Variants in ASCC3 observed in about 807,000 individuals in gnomAD.
ASCC3 encodes the protein ASC-1 complex subunit P200.
Under a neutral mutation model 256.3 loss-of-function variants are expected in ASCC3, and 158 were observed. That is an observed-to-expected ratio of 0.62 (90% CI 0.54 to 0.70). The LOEUF (loss-of-function observed/expected upper bound fraction) is 0.70, where lower values mean the gene tolerates loss of function less well. ASCC3 is among the 30% of genes least tolerant of loss of function. The pLI is 0.00. For missense variants in ASCC3, 2,259 were observed against 2,626.0 expected, an observed-to-expected ratio of 0.86 and a Z score of 3.05; for synonymous variants, 948 against 883.4, an observed-to-expected ratio of 1.07 and a Z score of -1.30.
chr6:100,813,022 AG>A (rs1770555032), intron 4 of ASCC3, among the ~76,000 whole-genome samples: 2 of 152,204 alleles, frequency 1.3e-5, no homozygotes, highest in South Asian at 4.1e-4. Flanking sequence ...AATCAGAAAA[AG>A]GTGAAACACC....
chr6:100,702,436 C>T (rs1778397922), intron 13 of ASCC3, among the ~76,000 whole-genome samples: 1 of 152,074 alleles, frequency 6.6e-6, no homozygotes, highest in African/African-American at 2.4e-5. Flanking sequence ...GGTTCAGATA[C>T]ACTGTATTTG....
intron 10 of ASCC3, among the ~76,000 whole-genome samples, chr6:100,743,956 C>A (rs1192967672): frequency 6.6e-6 from 1 of 152,098 alleles, no homozygotes; most frequent in East Asian, 1.9e-4. Context: ...GGTTTTTAAA[C>A]TATTTTTAAA....
intron 36 of ASCC3, among the ~76,000 whole-genome samples, chr6:100,546,216 C>A (rs1175946040): frequency 6.6e-6 from 1 of 151,912 alleles, no homozygotes; most frequent in Non-Finnish European, 1.5e-5. Flanking sequence ...ATATTGAAAA[C>A]AAAACAAAGA....
intron 37 of ASCC3, among the ~76,000 whole-genome samples, chr6:100,524,666 T>C (rs1467873144): frequency 6.6e-6 from 1 of 152,108 alleles, no homozygotes; most frequent in African/African-American, 2.4e-5. Flanking sequence ...AAGAAATCTG[T>C]CAATTTAATC....
chr6:100,524,542 C>A (rs115068110), intron 37 of ASCC3, among the ~76,000 whole-genome samples: 2,686 of 151,928 alleles, frequency 0.018, 73 homozygotes, highest in African/African-American at 0.062. Flanking sequence ...GTCTACTAAA[C>A]GAAAATCCGT....
Position 100,512,714 on chromosome 6 carries a change from G to A in ASCC3, c.6280C>T (p.His2094Tyr), listed in dbSNP as rs150820542. 2.3e-4 allele frequency: 368 copies of A among 1,614,002 alleles called. No homozygotes were observed. In the African/African-American group the frequency reaches 4.0e-3, roughly 17 times the overall value. The stretch of plus-strand genomic sequence containing the variant: ...ATGGAAACCAAACACTATACCTTGT[G>A]GAACCCAAAGTGGACTCTCTGCAAG... ...VSLQRVHFGFHKGKPESCAVT... is the reference protein window; with the variant it reads ...VSLQRVHFGFYKGKPESCAVT... The change falls in exon 40 of 42, where the codon CAC (histidine) becomes TAC (tyrosine). Residue 2094 changes from histidine (H) to tyrosine (Y), a missense_variant. Around this residue, in one of 2 missense-constraint regions of ASCC3, gnomAD observed 1,839 missense variants for 2,206.7 expected, o/e 0.83. Transcript: ENST00000369162.
intron 16 of ASCC3, among the ~76,000 whole-genome samples, chr6:100,659,657 T>A (rs1776091216): frequency 6.6e-6 from 1 of 151,452 alleles, no homozygotes; most frequent in Non-Finnish European, 1.5e-5. Context: ...TATTTTACAG[T>A]CCCTAAGAAA....
intron 27 of ASCC3, among the ~76,000 whole-genome samples, chr6:100,628,795 T>C (rs1774384251): frequency 6.6e-6 from 1 of 152,084 alleles, no homozygotes; most frequent in African/African-American, 2.4e-5. Flanking sequence ...CACAGATTAA[T>C]ACACTAAGAG....
chr6:100,513,020 G>T, intron 39 of ASCC3, 102 bp from the exon 40 acceptor site: 1 of 1,023,022 alleles, frequency 9.8e-7, no homozygotes, highest in Non-Finnish European at 1.5e-6. Flanking sequence ...ACCTTTTAAT[G>T]TTGAGATTAA....
chr6:100,810,372 A>T (rs1032467353), intron 4 of ASCC3, among the ~76,000 whole-genome samples: 9 of 152,154 alleles, frequency 5.9e-5, no homozygotes, highest in Non-Finnish European at 1.3e-4. Context: ...AACAGCATAC[A>T]AAGATTTCTC....
At chr6:100,699,778 T>C (rs775781043) in intron 13 of ASCC3, among the ~76,000 whole-genome samples, 5 of 152,148 alleles carry the variant, frequency 3.3e-5, no homozygotes, top group South Asian at 2.1e-4. Flanking sequence ...GTGACTCTTG[T>C]TATGTTTTAG....
intron 3 of ASCC3, among the ~76,000 whole-genome samples, chr6:100,850,098 CAA>C (rs61582863): frequency 0.056 from 4,476 of 80,530 alleles, 92 homozygotes; most frequent in African/African-American, 0.07. Context: ...GAGACTCTAT[CAA>C]AAAAAAAAAA....
At chr6:100,795,587 A>G (rs1769571897) in intron 8 of ASCC3, among the ~76,000 whole-genome samples, 1 of 152,110 alleles carries the variant, frequency 6.6e-6, no homozygotes, top group Admixed American at 6.6e-5. Flanking sequence ...TAATCAAGAG[A>G]TGCATCTACA....
Position 100,650,789 on chromosome 6 carries a change from T to C in ASCC3, c.3076-75A>G, listed in dbSNP as rs541082012. ...TTTTTCACATTGAAATTAAATACAT[T>C]GCATGTTTTTAAAGAGTTTCCATTT... On this transcript the variant is annotated intron_variant, in intron 19 of 41. Transcript: ENST00000369162. The C allele has an allele frequency of 2.2e-5, 25 of 1,153,644 alleles. No homozygotes were observed. In the Admixed American group the frequency reaches 4.4e-4, roughly 20 times the overall value. 71.5% of individuals were successfully genotyped at this position (1,153,644 alleles called of 1,614,324 possible).
At chr6:100,840,065 A>G (rs1772062968) in intron 4 of ASCC3, among the ~76,000 whole-genome samples, 1 of 152,228 alleles carries the variant, frequency 6.6e-6, no homozygotes, top group South Asian at 2.1e-4. Flanking sequence ...TATCCCTTTT[A>G]AAGTAAAAAT....
intron 4 of ASCC3, among the ~76,000 whole-genome samples, chr6:100,840,026 G>C (rs1772061268): frequency 6.6e-6 from 1 of 152,112 alleles, no homozygotes; most frequent in Admixed American, 6.5e-5. Context: ...GTAGAACACA[G>C]GATTCTTGAG....
At position 100,650,592 on chromosome 6, in the gene ASCC3, G is replaced by A. The variant is rs1431831579; in HGVS notation, c.3198C>T (p.Ser1066=). The change falls in exon 20 of 42, where the codon AGC becomes AGT. Residue 1066 remains serine (S), a synonymous_variant. Coordinates refer to ENST00000369162, the MANE Select transcript of ASCC3 (RefSeq NM_006828.4). ...GGGAGAAACTGTCCATTTCTCCTCG[G>A]CTGATATAAGTTTGAAGTAAGATGT... is the stretch of plus-strand genomic sequence containing the variant. ...KINILLQTYI[S]RGEMDSFSLI... is the part of the protein sequence containing the mutation. 5 of 1,612,754 alleles carry A rather than the reference G, an allele frequency of 3.1e-6. No individual in the cohort carries two copies. The highest frequency in any genetic ancestry group is 3.4e-6 in the Non-Finnish European group (4 of 1,179,094).
chr6:100,779,157 A>G (rs1782331955), intron 8 of ASCC3, among the ~76,000 whole-genome samples: 1 of 152,224 alleles, frequency 6.6e-6, no homozygotes, highest in African/African-American at 2.4e-5. Flanking sequence ...TGATATACCT[A>G]TTCAATGAAA....
chr6:100,614,576 A>G (rs1192792412), intron 30 of ASCC3, among the ~76,000 whole-genome samples: 2 of 152,214 alleles, frequency 1.3e-5, no homozygotes, highest in Non-Finnish European at 2.9e-5. Context: ...AAGGCCACAT[A>G]GCTTGTAACA....
Sources: allele counts gnomAD v4.1 joint callset (sites outside exome capture counted in the v4.1 genomes callset), GRCh38; gene constraint gnomAD v4.1.1; regional missense constraint gnomAD v4.1.1; transcripts MANE v1.5; gene names NCBI Gene and HGNC (gene_info 2026-07-23, HGNC 2026-07-21).